The following LRP1B variants were observed in gnomAD, a reference collection of about 807,000 sequenced individuals.
LRP1B encodes the protein low-density lipoprotein receptor-related protein 1B.
LRP1B carries 217 observed loss-of-function variants against 556.6 expected under a neutral mutation model. The ratio of observed to expected loss-of-function variants is 0.39; its 90% CI spans 0.35 to 0.44. The LOEUF (loss-of-function observed/expected upper bound fraction) is 0.44. Among genes scored for constraint, LRP1B ranks in the 20% least tolerant of loss-of-function variants. LRP1B has a pLI of 1.00. For synonymous variants in LRP1B, 2,047 were observed against 1,865.8 expected (o/e 1.10, Z -2.50); for missense variants, 5,053 against 5,620.8 (o/e 0.90, Z 3.23).
intron 3 of LRP1B, among the ~76,000 whole-genome samples, chr2:141,425,134 C>T (rs36157198): frequency 0.23 from 34,230 of 150,508 alleles, 3,983 homozygotes; most frequent in South Asian, 0.31. Context: ...GTGTTCTCAT[C>T]GTTCAGTTCC....
rs112347079 is a variant in LRP1B at position 142,097,805 on chromosome 2, A to G, written c.82+32843T>C. Among the ~76,000 whole-genome samples the G allele has an allele frequency of 3.5e-4, 53 of 151,788 alleles. 2 individuals are homozygous for G. The highest frequency in any genetic ancestry group is 1.2e-3 in the African/African-American group (51 of 41,512). On this transcript the variant is annotated intron_variant, in intron 1 of 90. Transcript: ENST00000389484. ...AGAGTCTATATTCCAATTCTGAAGC[A>G]CTCATTTTTTTAAATATGGCATTCA...
In LRP1B at chr2:140,939,730, A is replaced by G. The variant is rs538232952; in HGVS notation, c.3136+10505T>C. Among the ~76,000 whole-genome samples the G allele has an allele frequency of 2.0e-4, 30 of 151,790 alleles. 1 individual carries two copies. Among genetic ancestry groups the G allele is most frequent in the African/African-American group, 6.5e-4 (27 of 41,498 alleles). On this transcript the variant is annotated intron_variant, in intron 20 of 90. Coordinates refer to ENST00000389484, the MANE Select transcript of LRP1B (RefSeq NM_018557.3). The stretch of plus-strand genomic sequence containing the variant: ...ATGACAATAAACCAGAACAATGACA[A>G]TAAACCAGGGTCAGATGTCCCCTCA...
intron 2 of LRP1B, among the ~76,000 whole-genome samples, chr2:141,794,607 C>T (rs1249969148): frequency 6.6e-6 from 1 of 151,912 alleles, no homozygotes; most frequent in South Asian, 2.1e-4. Flanking sequence ...TATATAAGAA[C>T]ATGTATATTT....
At chr2:142,001,345 A>G (rs533455377) in intron 1 of LRP1B, among the ~76,000 whole-genome samples, 5 of 152,308 alleles carry the variant, frequency 3.3e-5, no homozygotes, top group Admixed American at 1.3e-4. Flanking sequence ...GTTGTTAGCA[A>G]TTCTCTAGTT....
intron 16 of LRP1B, among the ~76,000 whole-genome samples, chr2:140,990,516 C>G (rs1258617587): frequency 6.6e-6 from 1 of 151,902 alleles, no homozygotes. Context: ...AAATGCATCA[C>G]TTGTGACCTA....
chr2:140,300,929 T>A (rs534109206), intron 83 of LRP1B, among the ~76,000 whole-genome samples: 1 of 152,196 alleles, frequency 6.6e-6, no homozygotes, highest in African/African-American at 2.4e-5. Context: ...GAGATTCACC[T>A]TTTTTAGGTA....
At chr2:140,255,368 A>T (rs1681627829) in intron 86 of LRP1B, among the ~76,000 whole-genome samples, 2 of 152,212 alleles carry the variant, frequency 1.3e-5, no homozygotes, top group African/African-American at 4.8e-5. Flanking sequence ...AAAATATTAC[A>T]GTAGTATTTT....
At chr2:140,912,570 AT>A (rs994509202) in intron 21 of LRP1B, among the ~76,000 whole-genome samples, 15 of 151,874 alleles carry the variant, frequency 9.9e-5, no homozygotes, top group African/African-American at 3.6e-4. Context: ...CGAAAACCAT[AT>A]TAGATAATTA....
chr2:141,203,725 T>C (rs1037547405), intron 6 of LRP1B, among the ~76,000 whole-genome samples: 1 of 152,176 alleles, frequency 6.6e-6, no homozygotes, highest in Non-Finnish European at 1.5e-5. Context: ...CAACAGAATA[T>C]ACATTCTTCT....
chr2:140,604,317 T>C (rs1682788258), intron 41 of LRP1B, among the ~76,000 whole-genome samples: 1 of 151,798 alleles, frequency 6.6e-6, no homozygotes, highest in African/African-American at 2.4e-5. Flanking sequence ...TCCTGACATG[T>C]TTTTGCAGAA....
chr2:140,962,292 C>T (rs1010753186), intron 18 of LRP1B, among the ~76,000 whole-genome samples: 12 of 152,114 alleles, frequency 7.9e-5, no homozygotes, highest in African/African-American at 2.9e-4. Flanking sequence ...ACACCACAAC[C>T]ACTATCCCCC....
chr2:140,905,693 T>C (rs1694231235), intron 22 of LRP1B, among the ~76,000 whole-genome samples: 1 of 152,070 alleles, frequency 6.6e-6, no homozygotes, highest in South Asian at 2.1e-4. Context: ...TTTAACCCCC[T>C]TAGTGCCTTT....
At chr2:140,588,795 T>G (rs56253705) in intron 43 of LRP1B, among the ~76,000 whole-genome samples, 44 of 151,634 alleles carry the variant, frequency 2.9e-4, no homozygotes, top group African/African-American at 1.1e-3. Flanking sequence ...CTGTCTCTCC[T>G]AAAAATACAA....
chr2:140,599,074 T>A (rs1441342556), intron 42 of LRP1B, among the ~76,000 whole-genome samples: 1 of 152,112 alleles, frequency 6.6e-6, no homozygotes, highest in Non-Finnish European at 1.5e-5. Context: ...TCCTGTGTAT[T>A]CCTTCAAATG....
intron 1 of LRP1B, among the ~76,000 whole-genome samples, chr2:141,821,970 A>G (rs1696764307): frequency 6.6e-6 from 1 of 152,002 alleles, no homozygotes; most frequent in Admixed American, 6.6e-5. Flanking sequence ...GAATGTAGGG[A>G]TTTTGTTCCT....
intron 84 of LRP1B, among the ~76,000 whole-genome samples, chr2:140,276,683 A>G (rs970305730): frequency 6.6e-6 from 1 of 151,966 alleles, no homozygotes; most frequent in Non-Finnish European, 1.5e-5. Flanking sequence ...CTGCTTTAAA[A>G]TTTCATCCAC....
rs1037215549 is a variant in LRP1B at position 141,870,104 on chromosome 2, G to C, written c.83-59703C>G. Reference sequence around the variant, plus strand: ...TGAGGAAGGCACAAGCAAATATGTAGTCACACTCCTTTAAGTTCTTTAGAT... The same window carrying C: ...TGAGGAAGGCACAAGCAAATATGTACTCACACTCCTTTAAGTTCTTTAGAT... On this transcript the variant is annotated intron_variant, in intron 1 of 90. Coordinates refer to ENST00000389484, the MANE Select transcript of LRP1B (RefSeq NM_018557.3). 3.3e-5 allele frequency among the ~76,000 whole-genome samples: 5 copies of C among 151,922 alleles called. No homozygotes were observed. In the East Asian group the frequency reaches 5.8e-4, roughly 18 times the overall value.
At chr2:140,329,266 A>G (rs575379161) in intron 79 of LRP1B, among the ~76,000 whole-genome samples, 1 of 152,210 alleles carries the variant, frequency 6.6e-6, no homozygotes, top group South Asian at 2.1e-4. Flanking sequence ...ATAACCATTT[A>G]TGACAAACCC....
At chr2:140,786,640 A>G (rs183200923) in intron 32 of LRP1B, among the ~76,000 whole-genome samples, 3 of 152,282 alleles carry the variant, frequency 2.0e-5, no homozygotes, top group Admixed American at 2.0e-4. Context: ...TTGGAGGACA[A>G]TGAAGGTAAG....
Sources: allele counts gnomAD v4.1 joint callset (sites outside exome capture counted in the v4.1 genomes callset), GRCh38; gene constraint gnomAD v4.1.1; transcripts MANE v1.5; gene names NCBI Gene and HGNC (gene_info 2026-07-23, HGNC 2026-07-21).